Variants in B3GALT1 observed in about 807,000 individuals in gnomAD.
B3GALT1 encodes beta-1,3-galactosyltransferase 1.
Under a neutral mutation model 23.2 loss-of-function variants are expected in B3GALT1, and 10 were observed. The observed-to-expected ratio is 0.43, with a 90% CI of 0.27 to 0.73. The LOEUF (loss-of-function observed/expected upper bound fraction) is 0.73, where lower values mean the gene tolerates loss of function less well. Among genes scored for constraint, B3GALT1 ranks in the 30% least tolerant of loss-of-function variants. The pLI is 0.21. For synonymous variants in B3GALT1, 156 were observed against 141.5 expected (o/e 1.10, Z -0.73); for missense variants, 299 against 405.4 (o/e 0.74, Z 2.25).
intron 2 of B3GALT1, among the ~76,000 whole-genome samples, chr2:167,576,611 C>A (rs1684394015): frequency 7.1e-6 from 1 of 139,992 alleles, no homozygotes; most frequent in Non-Finnish European, 1.5e-5. Flanking sequence ...CAAAGGGTTT[C>A]AGATCCAATC....
intron 4 of B3GALT1, among the ~76,000 whole-genome samples, chr2:167,833,556 A>G (rs1469788749): frequency 6.6e-6 from 1 of 152,200 alleles, no homozygotes; most frequent in African/African-American, 2.4e-5. Flanking sequence ...TCATTGAAAA[A>G]TGACACTGGG....
chr2:167,745,342 AT>A (rs1687637222), intron 3 of B3GALT1, among the ~76,000 whole-genome samples: 1 of 150,856 alleles, frequency 6.6e-6, no homozygotes, highest in Non-Finnish European at 1.5e-5. Context: ...GATTATGGTT[AT>A]CTATGTAGAC....
At chr2:167,854,427 TG>T (rs1469041885) in intron 4 of B3GALT1, among the ~76,000 whole-genome samples, 1 of 152,186 alleles carries the variant, frequency 6.6e-6, no homozygotes, top group Non-Finnish European at 1.5e-5. Context: ...GATAATTCTT[TG>T]GACTTGTTTT....
intron 3 of B3GALT1, among the ~76,000 whole-genome samples, chr2:167,755,694 G>A (rs897816156): frequency 6.6e-6 from 1 of 152,026 alleles, no homozygotes; most frequent in Non-Finnish European, 1.5e-5. Flanking sequence ...TTGGCTGGGT[G>A]CAGTGGCTCA....
At chr2:167,767,317 A>G (rs1037067049) in intron 3 of B3GALT1, among the ~76,000 whole-genome samples, 8 of 152,224 alleles carry the variant, frequency 5.3e-5, no homozygotes, top group Non-Finnish European at 8.8e-5. Context: ...CTTTCTTAAA[A>G]TGAGTTATCC....
At chr2:167,615,037 G>A (rs1346877773) in intron 2 of B3GALT1, among the ~76,000 whole-genome samples, 1 of 151,966 alleles carries the variant, frequency 6.6e-6, no homozygotes, top group Non-Finnish European at 1.5e-5. Context: ...GACTGCCTAA[G>A]CATAGTACCA....
intron 1 of B3GALT1, among the ~76,000 whole-genome samples, chr2:167,472,578 A>T (rs1382112665): frequency 6.6e-6 from 1 of 152,088 alleles, no homozygotes; most frequent in Non-Finnish European, 1.5e-5. Flanking sequence ...GTCTCTAATC[A>T]CAACCTAAAA....
At chr2:167,836,117 G>C (rs1009413708) in intron 4 of B3GALT1, among the ~76,000 whole-genome samples, 1 of 152,212 alleles carries the variant, frequency 6.6e-6, no homozygotes, top group African/African-American at 2.4e-5. Flanking sequence ...CTAAAAAGCA[G>C]AGCACTTCTC....
At chr2:167,653,076 A>G (rs1685894401) in intron 3 of B3GALT1, among the ~76,000 whole-genome samples, 1 of 152,312 alleles carries the variant, frequency 6.6e-6, no homozygotes, top group Admixed American at 6.5e-5. Context: ...TGAAGGGAAT[A>G]TCTACAAATG....
At chr2:167,621,148 G>C (rs1019226712) in intron 2 of B3GALT1, among the ~76,000 whole-genome samples, 2 of 144,290 alleles carry the variant, frequency 1.4e-5, no homozygotes, top group Non-Finnish European at 3.0e-5. Context: ...GAGTGCAGTG[G>C]CACAATTATG....
chr2:167,506,971 T>A (rs1245681638), intron 2 of B3GALT1, among the ~76,000 whole-genome samples: 1 of 152,202 alleles, frequency 6.6e-6, no homozygotes, highest in African/African-American at 2.4e-5. Flanking sequence ...CATACCCTGC[T>A]ATCACTCTAA....
At chr2:167,819,567 A>G (rs566970077) in intron 4 of B3GALT1, among the ~76,000 whole-genome samples, 24 of 152,318 alleles carry the variant, frequency 1.6e-4, no homozygotes, top group Admixed American at 5.2e-4. Flanking sequence ...TGACACTCCT[A>G]TCTTTCCCAT....
chr2:167,505,765 GAC>G (rs1699908631), intron 2 of B3GALT1, among the ~76,000 whole-genome samples: 1 of 152,044 alleles, frequency 6.6e-6, no homozygotes, highest in African/African-American at 2.4e-5. Context: ...TGATCTTAAA[GAC>G]ACAGATACTA....
intron 2 of B3GALT1, among the ~76,000 whole-genome samples, chr2:167,594,397 TTGAC>T (rs1163492192): frequency 2.0e-5 from 3 of 152,188 alleles, no homozygotes; most frequent in African/African-American, 7.2e-5. Context: ...TCCAGATCAA[TTGAC>T]TGACTAAAAT....
intron 4 of B3GALT1, among the ~76,000 whole-genome samples, chr2:167,860,921 C>G (rs1158359293): frequency 6.6e-6 from 1 of 151,380 alleles, no homozygotes; most frequent in South Asian, 2.1e-4. Flanking sequence ...TTTTCACACT[C>G]GTGCTTCATT....
chr2:167,376,987 C>G (rs1030630071), intron 1 of B3GALT1, among the ~76,000 whole-genome samples: 5 of 152,074 alleles, frequency 3.3e-5, no homozygotes, highest in Non-Finnish European at 7.4e-5. Context: ...GCGCTATAAA[C>G]TTTGTTCTTA....
intron 1 of B3GALT1, among the ~76,000 whole-genome samples, chr2:167,393,055 A>C (rs549355180): frequency 6.4e-4 from 97 of 152,186 alleles, no homozygotes; most frequent in African/African-American, 2.2e-3. Context: ...TAACACGGTG[A>C]AACCCCGTCT....
chr2:167,469,479 G>C (rs192899755), intron 1 of B3GALT1, among the ~76,000 whole-genome samples: 1 of 152,120 alleles, frequency 6.6e-6, no homozygotes. Flanking sequence ...AATTAAAATG[G>C]TTTTATTCAC....
At chr2:167,703,222 A>C (rs969416092) in intron 3 of B3GALT1, among the ~76,000 whole-genome samples, 1 of 152,246 alleles carries the variant, frequency 6.6e-6, no homozygotes, top group African/African-American at 2.4e-5. Flanking sequence ...AATGAGGCTC[A>C]GTAAGGTTTT....
Sources: allele counts gnomAD v4.1 joint callset (sites outside exome capture counted in the v4.1 genomes callset), GRCh38; gene constraint gnomAD v4.1.1; transcripts MANE v1.5; gene names NCBI Gene and HGNC (gene_info 2026-07-23, HGNC 2026-07-21).